Variants in UNC13C observed in about 807,000 individuals in gnomAD.
UNC13C encodes unc-13 homolog C, also known as protein unc-13 homolog C.
A neutral mutation model predicts 245.4 loss-of-function variants in UNC13C; 174 were observed. The ratio of observed to expected loss-of-function variants is 0.71; its 90% CI spans 0.63 to 0.80. The LOEUF is 0.80. Ranked by LOEUF, UNC13C falls within the 30% of genes least tolerant of loss-of-function variation. UNC13C has a pLI of 0.00. For synonymous variants in UNC13C, 992 were observed against 895.1 expected (o/e 1.11, Z -1.93); for missense variants, 2,829 against 2,602.9 (o/e 1.09, Z -1.89).
chr15:54,549,330 T>G (rs911603102), intron 27 of UNC13C, among the ~76,000 whole-genome samples: 4 of 152,172 alleles, frequency 2.6e-5, no homozygotes, highest in African/African-American at 9.7e-5. Context: ...TAAAAATAAA[T>G]GAATAAAAGT....
chr15:53,845,342 A>G, the UNC13C span, among the ~76,000 whole-genome samples: 1 of 147,250 alleles, frequency 6.8e-6, no homozygotes, highest in African/African-American at 2.5e-5. Flanking sequence ...AAAAAAAATT[A>G]TAACAGAATG....
intron 10 of UNC13C, among the ~76,000 whole-genome samples, chr15:54,286,095 G>T (rs2060944052): frequency 6.6e-6 from 1 of 152,166 alleles, no homozygotes; most frequent in Non-Finnish European, 1.5e-5. Flanking sequence ...TGGCCAGGCT[G>T]GTCTCGAACT....
intron 30 of UNC13C, among the ~76,000 whole-genome samples, chr15:54,613,096 G>C (rs1900210079): frequency 6.6e-6 from 1 of 151,708 alleles, no homozygotes; most frequent in Non-Finnish European, 1.5e-5. Flanking sequence ...TACCTACATA[G>C]AAAGCATAAA....
At chr15:54,454,329 C>T (rs1596403247) in intron 19 of UNC13C, among the ~76,000 whole-genome samples, 1 of 152,164 alleles carries the variant, frequency 6.6e-6, no homozygotes, top group Non-Finnish European at 1.5e-5. Flanking sequence ...GTAATCCCAG[C>T]ACTTTGGGAG....
At chr15:54,292,989 T>G (rs1350058837) in intron 10 of UNC13C, among the ~76,000 whole-genome samples, 1 of 150,218 alleles carries the variant, frequency 6.7e-6, no homozygotes, top group African/African-American at 2.4e-5. Flanking sequence ...ATGTATATTC[T>G]CCTTATATGT....
rs1899351245 is a variant in UNC13C at position 54,088,201 on chromosome 15, C to CAT, written c.2984-54817_2984-54816insAT. Among the ~76,000 whole-genome samples the CAT allele has an allele frequency of 2.9e-5, 3 of 103,922 alleles. No individual in the cohort carries two copies. The South Asian group carries it at 1.2e-3, about 42-fold the overall frequency. The allele number at this position is 103,922 out of a possible 152,430, so 68.2% of individuals were successfully genotyped here. On this transcript the variant is annotated intron_variant, in intron 2 of 32. Transcript: ENST00000260323. ...AGAAGCAGCCATGGGCTTCCTTTTC[C>CAT]TTTTTTTTTTTTTTTTTTTTTTTTT...
chr15:54,335,015 C>T (rs535884805), intron 16 of UNC13C, among the ~76,000 whole-genome samples: 10 of 152,096 alleles, frequency 6.6e-5, no homozygotes, highest in Non-Finnish European at 1.5e-4. Context: ...GAGGAGCATC[C>T]TCAAGCTCCA....
intron 29 of UNC13C, among the ~76,000 whole-genome samples, chr15:54,562,027 G>C (rs1040551188): frequency 1.4e-4 from 22 of 151,930 alleles, no homozygotes; most frequent in African/African-American, 5.3e-4. Flanking sequence ...AAAAATGGGA[G>C]ACAGCCAGGA....
intron 2 of UNC13C, among the ~76,000 whole-genome samples, chr15:54,076,844 T>C (rs1898654711): frequency 6.6e-6 from 1 of 152,246 alleles, no homozygotes; most frequent in Admixed American, 6.5e-5. Flanking sequence ...CAAATATTTC[T>C]ATTTGCTTTC....
chr15:54,386,649 T>C (rs2039843678), intron 17 of UNC13C, among the ~76,000 whole-genome samples: 1 of 152,210 alleles, frequency 6.6e-6, no homozygotes, highest in Non-Finnish European at 1.5e-5. Flanking sequence ...CTGCACTTGT[T>C]GATGCAGAGA....
chr15:54,538,147 A>AAAAAAAAAAAAAAAAAAC (rs1896072989), intron 26 of UNC13C, among the ~76,000 whole-genome samples: 2 of 144,556 alleles, frequency 1.4e-5, no homozygotes, highest in Non-Finnish European at 3.0e-5. Context: ...AAAAAAAAAA[A>AAAAAAAAAAAAAAAAAAC]AAAAAAAAAA....
the UNC13C span, among the ~76,000 whole-genome samples, chr15:53,880,541 A>G: frequency 2.0e-5 from 3 of 152,140 alleles, no homozygotes; most frequent in Non-Finnish European, 4.4e-5. Flanking sequence ...CTTCAGCTTC[A>G]AGAAGCTTCC....
intron 2 of UNC13C, among the ~76,000 whole-genome samples, chr15:54,044,884 A>G (rs1184846818): frequency 6.6e-6 from 1 of 152,022 alleles, no homozygotes; most frequent in African/African-American, 2.4e-5. Flanking sequence ...GGAGCAAAAT[A>G]TATATTCGAA....
the UNC13C span, among the ~76,000 whole-genome samples, chr15:53,921,136 G>T: frequency 6.6e-6 from 1 of 151,908 alleles, no homozygotes; most frequent in African/African-American, 2.4e-5. Context: ...TGGTAGGTGG[G>T]GCACAGACAT....
At chr15:54,523,731 T>A (rs1290691260) in intron 24 of UNC13C, among the ~76,000 whole-genome samples, 1 of 152,172 alleles carries the variant, frequency 6.6e-6, no homozygotes, top group Non-Finnish European at 1.5e-5. Flanking sequence ...CCAAAACACA[T>A]TTTAAATAAG....
intron 7 of UNC13C, among the ~76,000 whole-genome samples, chr15:54,239,697 C>T (rs1258414773): frequency 1.3e-5 from 2 of 152,184 alleles, no homozygotes; most frequent in Non-Finnish European, 2.9e-5. Flanking sequence ...AGCAGTTCTT[C>T]CACCTCAGCC....
intron 4 of UNC13C, among the ~76,000 whole-genome samples, chr15:54,201,466 A>C (rs1027711017): frequency 6.6e-5 from 10 of 152,096 alleles, no homozygotes; most frequent in African/African-American, 2.4e-4. Context: ...ATAATCCACC[A>C]AGATCAAGTG....
At chr15:54,073,620 C>G (rs1898440654) in intron 2 of UNC13C, among the ~76,000 whole-genome samples, 1 of 152,026 alleles carries the variant, frequency 6.6e-6, no homozygotes. Context: ...ATTTGCGTTG[C>G]TCTAATAACC....
rs1595730071 is a variant in UNC13C, at chr15:54,024,480, G to C, written c.2983+8594G>C. On this transcript the variant is annotated intron_variant, in intron 2 of 32. Coordinates refer to ENST00000260323, the MANE Select transcript of UNC13C (RefSeq NM_001080534.3). ...ATGTTTTGATGCTGAGTCCAAGGGA[G>C]ATGGACTCAAATAGAACTGTTTCCT... Among the ~76,000 whole-genome samples the C allele has an allele frequency of 5.3e-5, 8 of 152,170 alleles. No individual in the cohort carries two copies. The South Asian group carries it at 1.7e-3, about 32-fold the overall frequency.
Sources: allele counts gnomAD v4.1 joint callset (sites outside exome capture counted in the v4.1 genomes callset), GRCh38; gene constraint gnomAD v4.1.1; transcripts MANE v1.5; gene names NCBI Gene and HGNC (gene_info 2026-07-23, HGNC 2026-07-21).